The following PKD1 variants were observed in gnomAD, a reference collection of about 807,000 sequenced individuals.
The protein encoded by PKD1 is polycystin-1.
PKD1 carries 81 observed loss-of-function variants against 361.7 expected under a neutral mutation model. The observed-to-expected ratio is 0.22, with a 90% CI of 0.19 to 0.27. The LOEUF (loss-of-function observed/expected upper bound fraction) is 0.27, where lower values mean the gene tolerates loss of function less well. PKD1 is among the 10% of genes least tolerant of loss of function. The pLI, the probability that PKD1 is intolerant of heterozygous loss-of-function variation, is 1.00. For synonymous variants in PKD1, 3,615 were observed against 2,818.3 expected, an observed-to-expected ratio of 1.28 and a Z score of -8.95; for missense variants, 6,399 against 6,118.3, an observed-to-expected ratio of 1.05 and a Z score of -1.53.
Position 2,112,476 on chromosome 16 carries a change from G to A in PKD1, c.3162-3C>T. The A allele has an allele frequency of 6.3e-7, 1 of 1,587,310 alleles. No individual in the cohort carries two copies. The highest frequency in any genetic ancestry group is 8.5e-7 in the Non-Finnish European group (1 of 1,175,196). ...GCTCCCCATCCCCAAAGGTCCACCTGCCGGGGCGGTGGGACGCAGTGAGTG... is the reference window on the plus strand; with the variant it reads ...GCTCCCCATCCCCAAAGGTCCACCTACCGGGGCGGTGGGACGCAGTGAGTG... On this transcript the variant is annotated splice_polypyrimidine_tract_variant and splice_region_variant and intron_variant, in intron 13 of 45. Coordinates refer to ENST00000262304, the MANE Select transcript of PKD1 (RefSeq NM_001009944.3).
chr16:2,126,480 T>C (rs1416188511), intron 1 of PKD1, among the ~76,000 whole-genome samples: 1 of 152,248 alleles, frequency 6.6e-6, no homozygotes, highest in African/African-American at 2.4e-5. Context: ...CACCAGTGCC[T>C]GGGCACCCTG....
At position 2,105,258 on chromosome 16, in the gene PKD1, G is replaced by A. The variant is rs2092297974; in HGVS notation, c.8016+64C>T. 3.2e-6 allele frequency: 5 copies of A among 1,554,554 alleles called. No individual in the cohort carries two copies. The South Asian group carries it at 4.5e-5, about 14-fold the overall frequency. The stretch of plus-strand genomic sequence containing the variant: ...CTCGGCCAAGCTGCCCGTCTGCCCT[G>A]GGGGGCTGAACCCAGTGCCCTGGCA... On this transcript the variant is annotated intron_variant, in intron 21 of 45. Coordinates refer to ENST00000262304, the MANE Select transcript of PKD1 (RefSeq NM_001009944.3).
At position 2,105,377 on chromosome 16, in the gene PKD1, C is replaced by T; in HGVS notation, c.7961G>A (p.Arg2654Lys). The change falls in exon 21 of 46, where the codon AGG becomes AAG. Residue 2654 changes from arginine (R) to lysine (K), a missense_variant. Arg to Lys is a conservative substitution (Grantham distance 26). Transcript: ENST00000262304. ...KNITETLVSL[R>K]VHTVDDIQQI... is the part of the protein sequence containing the mutation. ...CTGGATGTCATCCACAGTGTGGACC[C>T]TCAGGGACACCAGAGTCTCCGTGAT... is the stretch of plus-strand genomic sequence containing the variant. 6.3e-7 allele frequency: 1 copy of T among 1,587,918 alleles called. No individual in the cohort carries two copies. Among genetic ancestry groups the T allele is most frequent in the Non-Finnish European group, 8.5e-7 (1 of 1,173,394 alleles).
rs186511379 is a variant in PKD1 at position 2,109,081 on chromosome 16, G to A, written c.6086C>T (p.Thr2029Met). 33 of 1,604,566 alleles carry A rather than the reference G, an allele frequency of 2.1e-5. No individual in the cohort carries two copies. The East Asian group carries it at 2.7e-4, about 13-fold the overall frequency. Residue 2029 changes from threonine to methionine, a missense_variant, in exon 15 of 46, where the codon ACG (threonine) becomes ATG (methionine). By Grantham distance (81) the Thr-to-Met change is moderately conservative. Transcript: ENST00000262304. ...CTCCAACAGCCCCGCGGCCACGGGC[G>A]TGTAGGTGACGTCGCGGCCCGACAG... ...VILSGRDVTY[T>M]PVAAGLLEIQ...
rs565873932 is a variant in PKD1, at chr16:2,105,259, G to C, written c.8016+63C>G. ...TCGGCCAAGCTGCCCGTCTGCCCTG[G>C]GGGGCTGAACCCAGTGCCCTGGCAG... On this transcript the variant is annotated intron_variant, in intron 21 of 45. Coordinates refer to ENST00000262304, the MANE Select transcript of PKD1 (RefSeq NM_001009944.3). 6.8e-5 allele frequency: 106 copies of C among 1,560,214 alleles called. 1 individual carries two copies. In the South Asian group the frequency reaches 1.0e-3, roughly 15 times the overall value.
At chr16:2,130,508 C>T (rs1276831903) in intron 1 of PKD1, among the ~76,000 whole-genome samples, 4 of 152,232 alleles carry the variant, frequency 2.6e-5, no homozygotes, top group South Asian at 2.1e-4. Context: ...CCAGTGATAA[C>T]GGAGCCCTCG....
At position 2,111,375 on chromosome 16, in the gene PKD1, G is replaced by A. The variant is rs145263744; in HGVS notation, c.3792C>T (p.Tyr1264=). The A allele has an allele frequency of 3.1e-6, 5 of 1,611,082 alleles. No individual in the cohort carries two copies. The Admixed American group carries it at 5.0e-5, about 16-fold the overall frequency. The change falls in exon 15 of 46, where the codon TAC becomes TAT. Residue 1264 remains tyrosine, a synonymous_variant. Transcript: ENST00000262304. ...SGPEATVEHV[Y]LRAQNCTVTV... Reference sequence around the variant, plus strand: ...TCACTGTGCAGTTCTGTGCCCGCAGGTACACATGCTCCACTGTTGCCTCCG... The same window carrying A: ...TCACTGTGCAGTTCTGTGCCCGCAGATACACATGCTCCACTGTTGCCTCCG...
In PKD1 at chr16:2,114,174, A is replaced by G. The variant is rs2369063; in HGVS notation, c.2849T>C (p.Leu950Pro). ...TGGAGCCTCGGCCATACTCACCACTAGGACTCCCTGCAGTACACGGGCCTC... is the reference window on the plus strand; with the variant it reads ...TGGAGCCTCGGCCATACTCACCACTGGGACTCCCTGCAGTACACGGGCCTC... ...SPEARVLQGVLVRYSPVVEAG... is the reference protein window; with the variant it reads ...SPEARVLQGVPVRYSPVVEAG... The change falls in exon 11 of 46, where the codon CTA (leucine) becomes CCA (proline). Residue 950 changes from leucine to proline, a missense_variant. By Grantham distance (98) the Leu-to-Pro change is moderately conservative. Coordinates refer to ENST00000262304, the MANE Select transcript of PKD1 (RefSeq NM_001009944.3). 28 of 1,605,254 alleles carry G rather than the reference A, an allele frequency of 1.7e-5. No homozygotes were observed. The highest frequency in any genetic ancestry group is 2.0e-5 in the Non-Finnish European group (24 of 1,179,464).
chr16:2,105,692 G>A (rs2092313670), intron 20 of PKD1, 173 bp downstream of exon 20: 10 of 1,311,308 alleles, frequency 7.6e-6, no homozygotes, highest in Non-Finnish European at 1.1e-5. Flanking sequence ...CGCCGGAGAG[G>A]GCCCGGTGGG....
At position 2,102,797 on chromosome 16, in the gene PKD1, T is replaced by C. The variant is rs9928442; in HGVS notation, c.8948+17A>G. 5.2e-3 allele frequency: 8,435 copies of C among 1,608,528 alleles called. 449 individuals are homozygous for C. The African/African-American group carries it at 0.097, about 18-fold the overall frequency. On this transcript the variant is annotated intron_variant, in intron 24 of 45. Coordinates refer to ENST00000262304, the MANE Select transcript of PKD1 (RefSeq NM_001009944.3). The stretch of plus-strand genomic sequence containing the variant: ...GATGCCCTGCCCTGCCCTGCCAGGC[T>C]GGCCCGCAGAGCTCACCCCGGGGAA...
Position 2,110,884 on chromosome 16 carries a change from C to A in PKD1, c.4283G>T (p.Gly1428Val). Reference sequence around the variant, plus strand: ...TCGGTAGATGAACGTCACCTCAGGGCCCCTGGCACGGGTGGGGGCGGCTTC... The same window carrying A: ...TCGGTAGATGAACGTCACCTCAGGGACCCTGGCACGGGTGGGGGCGGCTTC... ...TEEAAPTRAR[G>V]PEVTFIYRDP... is the part of the protein sequence containing the mutation. The change falls in exon 15 of 46, where the codon GGC becomes GTC. Residue 1428 changes from glycine to valine, a missense_variant. Coordinates refer to ENST00000262304, the MANE Select transcript of PKD1 (RefSeq NM_001009944.3). The A allele has an allele frequency of 1.2e-6, 2 of 1,611,722 alleles. No individual in the cohort carries two copies. Among genetic ancestry groups the A allele is most frequent in the Non-Finnish European group, 1.7e-6 (2 of 1,179,844 alleles).
At position 2,093,680 on chromosome 16, in the gene PKD1, T is replaced by C. The variant is rs1160471199; in HGVS notation, c.10880A>G (p.Asp3627Gly). 1 of 1,605,644 alleles carries C rather than the reference T, an allele frequency of 6.2e-7. No individual in the cohort carries two copies. Among genetic ancestry groups the C allele is most frequent in the Non-Finnish European group, 8.5e-7 (1 of 1,176,452 alleles). The change falls in exon 37 of 46, where the codon GAT (aspartate) becomes GGT (glycine). Residue 3627 changes from aspartate to glycine, a missense_variant. Coordinates refer to ENST00000262304, the MANE Select transcript of PKD1 (RefSeq NM_001009944.3). Reference protein sequence around the residue: ...LVAKRLHPDEDDTLVESPAVT... With the variant: ...LVAKRLHPDEGDTLVESPAVT... ...AGCCGGGCTCTCTACCAGGGTGTCA[T>C]CTTCATCCGGGTGCAGCCGCTTGGC... is the stretch of plus-strand genomic sequence containing the variant.
At position 2,092,030 on chromosome 16, in the gene PKD1, G is replaced by C. The variant is rs986637119; in HGVS notation, c.11411+17C>G. On this transcript the variant is annotated intron_variant, in intron 40 of 45. Coordinates refer to ENST00000262304, the MANE Select transcript of PKD1 (RefSeq NM_001009944.3). ...CTTGTCCTTGGCGTAGACGCCCGGG[G>C]CCCTCGCTCTGCTCACCCCAGCAGA... 4 of 1,612,590 alleles carry C rather than the reference G, an allele frequency of 2.5e-6. No individual in the cohort carries two copies. The highest frequency in any genetic ancestry group is 3.4e-6 in the Non-Finnish European group (4 of 1,179,948).
intron 34 of PKD1, chr16:2,094,680 T>C (rs2091767980): frequency 1.4e-5 from 3 of 209,400 alleles, no homozygotes; most frequent in East Asian, 1.4e-4. Context: ...CCCAACAGTG[T>C]GTAGGGCTCC....
At chr16:2,112,049 G>A (rs1012467996) in intron 14 of PKD1, among the ~76,000 whole-genome samples, 178 bp from the exon 15 acceptor site, 1 of 152,230 alleles carries the variant, frequency 6.6e-6, no homozygotes, top group Non-Finnish European at 1.5e-5. Flanking sequence ...AGCACTGAGG[G>A]CTGCCTGGCG....
rs558005465 is a variant in PKD1, at chr16:2,106,009, G to A, written c.7719C>T (p.Thr2573=). 13 of 1,605,746 alleles carry A rather than the reference G, an allele frequency of 8.1e-6. No individual in the cohort carries two copies. The African/African-American group carries it at 1.1e-4, about 13-fold the overall frequency. The change falls in exon 20 of 46, where the codon ACC becomes ACT. Residue 2573 remains threonine (T), a synonymous_variant. Coordinates refer to ENST00000262304, the MANE Select transcript of PKD1 (RefSeq NM_001009944.3). The surrounding 1 kb of genome is among the most constrained non-coding windows in gnomAD (Gnocchi z 6.5). ...TTGCGCTGCCGTTGGGCTCTGGGAGGGTGATGGCCAAAGACCTACGAGCAG... is the reference window on the plus strand; with the variant it reads ...TTGCGCTGCCGTTGGGCTCTGGGAGAGTGATGGCCAAAGACCTACGAGCAG... The part of the protein sequence containing the change: ...VVALNRSLAI[T]LPEPNGSATG...
Position 2,100,629 on chromosome 16 carries a change from G to T in PKD1, c.9398-63C>A. 3 of 1,420,424 alleles carry T rather than the reference G, an allele frequency of 2.1e-6. No individual in the cohort carries two copies. Among genetic ancestry groups the T allele is most frequent in the Non-Finnish European group, 2.9e-6 (3 of 1,018,028 alleles). The allele number at this position is 1,420,424 out of a possible 1,614,324, so 88.0% of individuals were successfully genotyped here. A position where few individuals can be genotyped will look rare whatever the true frequency, so the allele number is the denominator to read the frequency against. On this transcript the variant is annotated intron_variant, in intron 26 of 45. Coordinates refer to ENST00000262304, the MANE Select transcript of PKD1 (RefSeq NM_001009944.3). This position sits in a 1 kb window ranked among gnomAD's most constrained non-coding sequence, Gnocchi z 4.4. ...CTGCCCAACACGTGTGGCATCCCAG[G>T]CAAGTCATCTCAGCTTTGGCCTGTG...
chr16:2,127,624 C>T (rs1171816924), intron 1 of PKD1, among the ~76,000 whole-genome samples: 1 of 151,842 alleles, frequency 6.6e-6, no homozygotes, highest in East Asian at 2.0e-4. Context: ...CTGAGGGAAC[C>T]GACAGAGCTA....
rs571433700 is a variant in PKD1, at chr16:2,094,233, A to C, written c.10500-23T>G. The C allele has an allele frequency of 2.1e-6, 3 of 1,442,562 alleles. No individual in the cohort carries two copies. In the Admixed American group the frequency reaches 5.0e-5, roughly 24 times the overall value. 89.4% of individuals were successfully genotyped at this position (1,442,562 alleles called of 1,614,324 possible). On this transcript the variant is annotated intron_variant, in intron 34 of 45. Coordinates refer to ENST00000262304, the MANE Select transcript of PKD1 (RefSeq NM_001009944.3). ...GACCTGAGGGACATGGTAGGCTGTG[A>C]ATTCATCCCGGCCTCCAGGAGGCAG...
Sources: gnomAD v4.1 joint callset for allele counts (sites outside exome capture counted in the v4.1 genomes callset) on GRCh38, gnomAD v4.1.1 for gene constraint, Gnocchi (gnomAD v3.1) non-coding constraint, MANE v1.5 for transcripts, NCBI Gene and HGNC (gene_info 2026-07-23, HGNC 2026-07-21) for gene names.